The following SLC27A1 variants were observed in gnomAD, a reference collection of about 807,000 sequenced individuals.
SLC27A1 encodes the protein solute carrier family 27 member 1.
Under a neutral mutation model 62.2 loss-of-function variants are expected in SLC27A1, and 61 were observed. That is an observed-to-expected ratio of 0.98 (90% confidence interval 0.80 to 1.21). SLC27A1 has a LOEUF of 1.21. Among genes scored for constraint, SLC27A1 ranks in the 50% most tolerant of loss-of-function variants. The pLI is 0.00. For synonymous variants in SLC27A1, 435 were observed against 408.6 expected (o/e 1.06, Z -0.78); for missense variants, 903 against 932.1 (o/e 0.97, Z 0.41).
At chr19:17,496,450 G>C (rs1193262072) in intron 6 of SLC27A1, 2 of 152,320 alleles carry the variant, frequency 1.3e-5, no homozygotes, top group Admixed American at 1.3e-4. Context: ...CCCATGAGCA[G>C]GTGGCTCCGT....
Position 17,489,075 on chromosome 19 carries a change from G to C in SLC27A1, c.954G>C (p.Ser318=). Residue 318 remains serine (S), a synonymous_variant, in exon 6 of 12, where the codon TCG becomes TCC. Transcript: ENST00000252595. The part of the protein sequence containing the change: ...GLTVVLRKKF[S]ASRFWDDCIK... Reference sequence around the variant, plus strand: ...CAGTCGTCCTCCGCAAGAAATTCTCGGCCAGCCGCTTCTGGGACGACTGCA... The same window carrying C: ...CAGTCGTCCTCCGCAAGAAATTCTCCGCCAGCCGCTTCTGGGACGACTGCA... 1 of 1,614,130 alleles carries C rather than the reference G, an allele frequency of 6.2e-7. No homozygotes were observed. The highest frequency in any genetic ancestry group is 8.5e-7 in the Non-Finnish European group (1 of 1,180,016).
chr19:17,480,308 A>G (rs1252471338), intron 1 of SLC27A1, among the ~76,000 whole-genome samples: 1 of 151,898 alleles, frequency 6.6e-6, no homozygotes, highest in African/African-American at 2.4e-5. Flanking sequence ...GATTACAGAC[A>G]TGAGCCACTA....
At chr19:17,487,939 T>TC (rs1241499819) in intron 4 of SLC27A1, among the ~76,000 whole-genome samples, 1 of 149,694 alleles carries the variant, frequency 6.7e-6, no homozygotes, top group Admixed American at 6.7e-5. Flanking sequence ...CTCCTCCTGC[T>TC]CCCCCCACTC....
At chr19:17,470,902 G>T (rs1470614385) in intron 1 of SLC27A1, among the ~76,000 whole-genome samples, 195 bp downstream of exon 1, 1 of 151,374 alleles carries the variant, frequency 6.6e-6, no homozygotes, top group African/African-American at 2.4e-5. Flanking sequence ...GGTCTCTGAG[G>T]GGGCTACAGG....
At position 17,486,602 on chromosome 19, in the gene SLC27A1, G is replaced by A; in HGVS notation, c.207G>A (p.Arg69=). ...TGATCCGCGTGCGCCTGGAGCTGCGGCGGCACCAGCGTGCCGGCCACACCA... is the reference window on the plus strand; with the variant it reads ...TGATCCGCGTGCGCCTGGAGCTGCGACGGCACCAGCGTGCCGGCCACACCA... The part of the protein sequence containing the change: ...SVLIRVRLEL[R]RHQRAGHTIP... The change falls in exon 2 of 12, where the codon CGG becomes CGA. Residue 69 remains arginine (R), a synonymous_variant. Transcript: ENST00000252595. The surrounding 1 kb of genome is among the most constrained non-coding windows in gnomAD (Gnocchi z 6.6). 2.5e-6 allele frequency: 4 copies of A among 1,593,864 alleles called. No individual in the cohort carries two copies. The highest frequency in any genetic ancestry group is 3.4e-6 in the Non-Finnish European group (4 of 1,176,906).
intron 4 of SLC27A1, among the ~76,000 whole-genome samples, chr19:17,488,503 C>A (rs1178186534): frequency 6.6e-6 from 1 of 152,180 alleles, no homozygotes; most frequent in African/African-American, 2.4e-5. Flanking sequence ...TCCTTCCGGC[C>A]TCAGGGCCCT....
intron 1 of SLC27A1, among the ~76,000 whole-genome samples, chr19:17,480,146 G>C (rs1015038305): frequency 1.3e-5 from 2 of 151,060 alleles, no homozygotes; most frequent in African/African-American, 4.9e-5. Flanking sequence ...TCCTGCCACA[G>C]CCTCCCAAGT....
At chr19:17,472,068 C>T (rs1205758307) in intron 1 of SLC27A1, among the ~76,000 whole-genome samples, 1 of 152,200 alleles carries the variant, frequency 6.6e-6, no homozygotes, top group African/African-American at 2.4e-5. Flanking sequence ...TCCTGCTCAG[C>T]ACCCTCCCAT....
chr19:17,470,730 C>G, intron 1 of SLC27A1, 23 bp downstream of exon 1: 2 of 1,559,744 alleles, frequency 1.3e-6, no homozygotes, highest in Non-Finnish European at 1.7e-6. Context: ...GGGATCCGTC[C>G]AGGGCTGGGG....
At chr19:17,470,420 G>A, upstream of SLC27A1, 1 of 1,199,556 alleles carries the variant, frequency 8.3e-7, no homozygotes, top group African/African-American at 1.6e-5. Context: ...ACTCGCGGGG[G>A]GCGCAGAGCC....
At position 17,486,478 on chromosome 19, in the gene SLC27A1, G is replaced by T. The variant is rs2093263857; in HGVS notation, c.168-85G>T. 2.8e-6 allele frequency: 4 copies of T among 1,443,576 alleles called. No individual in the cohort carries two copies. Among genetic ancestry groups the T allele is most frequent in the Non-Finnish European group, 3.7e-6 (4 of 1,091,240 alleles). The allele number at this position is 1,443,576 out of a possible 1,614,324, so 89.4% of individuals were successfully genotyped here. A position where few individuals can be genotyped will look rare whatever the true frequency, so the allele number is the denominator to read the frequency against. On this transcript the variant is annotated intron_variant, in intron 1 of 11. Coordinates refer to ENST00000252595, the MANE Select transcript of SLC27A1 (RefSeq NM_198580.3). The surrounding 1 kb of genome is among the most constrained non-coding windows in gnomAD (Gnocchi z 6.6). The stretch of plus-strand genomic sequence containing the variant: ...TCATCAAAGCCCCTGGCTGCCCTGG[G>T]GTCCTCCAGCGGGGAGGCTGAGGCT...
At chr19:17,487,719 C>G (rs556465941) in intron 4 of SLC27A1, among the ~76,000 whole-genome samples, 190 bp downstream of exon 4, 5 of 152,250 alleles carry the variant, frequency 3.3e-5, no homozygotes, top group African/African-American at 1.2e-4. Flanking sequence ...AAACTCATTG[C>G]AACCCTCATA....
intron 1 of SLC27A1, among the ~76,000 whole-genome samples, chr19:17,472,660 G>A (rs905948502): frequency 6.6e-6 from 1 of 151,968 alleles, no homozygotes; most frequent in Non-Finnish European, 1.5e-5. Flanking sequence ...CCAAGTAGCT[G>A]GGACTACAGG....
In SLC27A1 at chr19:17,500,864, G is replaced by A. The variant is rs944539245; in HGVS notation, c.1624G>A (p.Val542Met). 6 of 1,608,016 alleles carry A rather than the reference G, an allele frequency of 3.7e-6. No homozygotes were observed. The Middle Eastern group carries it at 7.0e-4, about 188-fold the overall frequency. ...CCAGACAGACGTGGCCGTCTATGGG[G>A]TGGCTGTTCCAGGCAAGCTGGGGTT... Reference protein sequence around the residue: ...LGQTDVAVYGVAVPGVEGKAG... With the variant: ...LGQTDVAVYGMAVPGVEGKAG... Residue 542 changes from valine to methionine, a missense_variant, in exon 10 of 12, where the codon GTG becomes ATG. Physicochemically the swap from Val to Met is conservative, Grantham distance 21 (BLOSUM62 1). Coordinates refer to ENST00000252595, the MANE Select transcript of SLC27A1 (RefSeq NM_198580.3).
Position 17,488,641 on chromosome 19 carries a change from C to T in SLC27A1, c.795-207C>T, listed in dbSNP as rs570475045. 234 of 606,004 alleles carry T rather than the reference C, an allele frequency of 3.9e-4. 2 individuals are homozygous for T. The South Asian group carries it at 4.0e-3, about 10-fold the overall frequency. 37.5% of individuals were successfully genotyped at this position (606,004 alleles called of 1,614,324 possible). A position where few individuals can be genotyped will look rare whatever the true frequency, so the allele number is the denominator to read the frequency against. On this transcript the variant is annotated intron_variant, in intron 4 of 11. Coordinates refer to ENST00000252595, the MANE Select transcript of SLC27A1 (RefSeq NM_198580.3). ...CCCCTGGCTGCATTACCATCAGCCC[C>T]TCTATGCCCCTTGACCCTATTATAT... is the stretch of plus-strand genomic sequence containing the variant.
chr19:17,500,526 C>G lies in SLC27A1; in HGVS notation c.1365C>G (p.Asn455Lys). ...CTGGCCTCCTTGTGGGTCAGATCAA[C>G]CAACAGGACCCGCTGCGCCGCTTCG... ...GEPGLLVGQI[N>K]QQDPLRRFDG... Residue 455 changes from asparagine to lysine, a missense_variant, in exon 9 of 12, where the codon AAC (asparagine) becomes AAG (lysine). Coordinates refer to ENST00000252595, the MANE Select transcript of SLC27A1 (RefSeq NM_198580.3). 1 of 1,613,594 alleles carries G rather than the reference C, an allele frequency of 6.2e-7. No individual in the cohort carries two copies. Among genetic ancestry groups the G allele is most frequent in the Non-Finnish European group, 8.5e-7 (1 of 1,179,820 alleles).
At chr19:17,497,212 C>G in intron 6 of SLC27A1, 43 bp from the exon 7 acceptor site, 1 of 1,537,858 alleles carries the variant, frequency 6.5e-7, no homozygotes, top group Non-Finnish European at 8.8e-7. Flanking sequence ...GGCTCCCCAC[C>G]GCCTGCCGGT....
Position 17,487,354 on chromosome 19 carries a change from CCCTG to C in SLC27A1, c.724+21_724+24del, listed in dbSNP as rs1477848165. 6.3e-7 allele frequency: 1 copy of C among 1,595,320 alleles called. No homozygotes were observed. Among genetic ancestry groups the C allele is most frequent in the Non-Finnish European group, 8.5e-7 (1 of 1,172,280 alleles). Reference sequence around the variant, plus strand: ...ATGGACGGTGAGTCAAGGGTGGGACCCCTGCTCTATCAACTGGTTTCCTACCCGC... The same window carrying C: ...ATGGACGGTGAGTCAAGGGTGGGACCCTCTATCAACTGGTTTCCTACCCGC... On this transcript the variant is annotated intron_variant, in intron 3 of 11. Transcript: ENST00000252595.
At chr19:17,482,972 TGGAG>T (rs1341646292) in intron 1 of SLC27A1, among the ~76,000 whole-genome samples, 4 of 146,454 alleles carry the variant, frequency 2.7e-5, no homozygotes, top group Admixed American at 1.3e-4. Flanking sequence ...CAATGAATGA[TGGAG>T]GGAATGAATG....
Sources: gnomAD v4.1 joint callset for allele counts (sites outside exome capture counted in the v4.1 genomes callset) on GRCh38, gnomAD v4.1.1 for gene constraint, Gnocchi (gnomAD v3.1) non-coding constraint, MANE v1.5 for transcripts, NCBI Gene and HGNC (gene_info 2026-07-23, HGNC 2026-07-21) for gene names.